NME4: variants seen among roughly 807,000 people sequenced by gnomAD.
The protein encoded by NME4 is NME/NM23 nucleoside diphosphate kinase 4.
A neutral mutation model predicts 16.4 loss-of-function variants in NME4; 21 were observed. The observed-to-expected ratio is 1.28, with a 90% CI of 0.91 to 1.84. The LOEUF is 1.84. Among genes scored for constraint, NME4 ranks in the 40% most tolerant of loss-of-function variants. NME4 has a pLI of 0.00. For synonymous variants in NME4, 132 were observed against 107.5 expected, an observed-to-expected ratio of 1.23 and a Z score of -1.41; for missense variants, 316 against 261.3, an observed-to-expected ratio of 1.21 and a Z score of -1.44.
In NME4 at chr16:397,256, G is replaced by C; in HGVS notation, c.34G>C (p.Gly12Arg). The stretch of plus-strand genomic sequence containing the variant: ...CCTCTTCTGGCGCTCCGCGCTGCGG[G>C]GGCTGCGCTGCGGCCCGCGGGCCCC... ...GGLFWRSALR[G>R]LRCGPRAPGP... The change falls in exon 1 of 5, where the codon GGG becomes CGG. Residue 12 changes from glycine (G) to arginine (R), a missense_variant. By Grantham distance (125) the Gly-to-Arg change is moderately radical. Transcript: ENST00000219479. The C allele has an allele frequency of 9.5e-7, 1 of 1,048,958 alleles. No individual in the cohort carries two copies. The highest frequency in any genetic ancestry group is 1.1e-6 in the Non-Finnish European group (1 of 873,436). 65.0% of individuals were successfully genotyped at this position (1,048,958 alleles called of 1,614,324 possible).
chr16:399,717 G>T lies in NME4; in HGVS notation c.418G>T (p.Asp140Tyr). ...GGCTGCCCCAGGAACCATAAGGGGT[G>T]ACTTCAGCGTCCACATCAGCAGGTA... ...AEAAPGTIRG[D>Y]FSVHISRNVI... The change falls in exon 4 of 5, where the codon GAC (aspartate) becomes TAC (tyrosine). Residue 140 changes from aspartate (D) to tyrosine (Y), a missense_variant. Coordinates refer to ENST00000219479, the MANE Select transcript of NME4 (RefSeq NM_005009.3). The T allele has an allele frequency of 6.2e-7, 1 of 1,612,902 alleles. No individual in the cohort carries two copies. Among genetic ancestry groups the T allele is most frequent in the South Asian group, 1.1e-5 (1 of 91,068 alleles).
intron 4 of NME4, 104 bp from the exon 5 acceptor site, chr16:400,115 G>C (rs79334115): frequency 2.6e-6 from 4 of 1,510,606 alleles, no homozygotes; most frequent in Non-Finnish European, 3.7e-6. Context: ...GCAGTCACAG[G>C]CTTGCTCCCC....
rs191170516 is a variant in NME4, at chr16:400,494, C to G, written c.*152C>G. ...CCCAGCCCAGAGGAGTTTGAGCCAC[C>G]AACTTCAGTGCCTTTCTGTACCCCA... is the stretch of plus-strand genomic sequence containing the variant. On this transcript the variant is annotated 3_prime_UTR_variant, in exon 5 of 5. Transcript: ENST00000219479. 49 of 897,630 alleles carry G rather than the reference C, an allele frequency of 5.5e-5. No individual in the cohort carries two copies. Among genetic ancestry groups the G allele is most frequent in the Non-Finnish European group, 7.4e-5 (46 of 624,774 alleles). 55.6% of individuals were successfully genotyped at this position (897,630 alleles called of 1,614,324 possible).
At chr16:399,187 T>C in intron 2 of NME4, 64 bp downstream of exon 2, 1 of 1,592,984 alleles carries the variant, frequency 6.3e-7, no homozygotes, top group Non-Finnish European at 8.6e-7. Context: ...CTTCTCGGCC[T>C]TTCACATCCC....
At chr16:400,035 C>T (rs561737030) in intron 4 of NME4, 184 bp from the exon 5 acceptor site, 23 of 928,462 alleles carry the variant, frequency 2.5e-5, no homozygotes, top group East Asian at 5.2e-5. Flanking sequence ...GGCGGGTCCA[C>T]GAGGCTGTAA....
chr16:399,758 A>G lies in NME4; in HGVS notation c.440+19A>G. 1.3e-6 allele frequency: 2 copies of G among 1,593,754 alleles called. No homozygotes were observed. Among genetic ancestry groups the G allele is most frequent in the Non-Finnish European group, 1.7e-6 (2 of 1,162,928 alleles). On this transcript the variant is annotated intron_variant, in intron 4 of 4. Coordinates refer to ENST00000219479, the MANE Select transcript of NME4 (RefSeq NM_005009.3). ...TCAGCAGGTACGGGGGTCCTGATAC[A>G]CCAGGCTGCTGCTGGGGGCAAGGAG...
intron 1 of NME4, chr16:397,964 C>A: frequency 6.5e-7 from 1 of 1,546,122 alleles, no homozygotes. Flanking sequence ...CACAAGGCGC[C>A]CTGCAAACTG....
chr16:398,077 T>C, intron 1 of NME4: 1 of 1,529,654 alleles, frequency 6.5e-7, no homozygotes, highest in East Asian at 2.5e-5. Context: ...CCTTTGGCTC[T>C]GTCCAGATTC....
chr16:397,543 G>A (rs1229344264), intron 1 of NME4, among the ~76,000 whole-genome samples: 3 of 125,684 alleles, frequency 2.4e-5, no homozygotes, highest in Admixed American at 7.8e-5. Flanking sequence ...CCAGGCTGCA[G>A]GCGCCCGGCG....
rs28411877 is a variant in NME4, at chr16:400,140, C to T, written c.441-79C>T. 407 of 1,593,448 alleles carry T rather than the reference C, an allele frequency of 2.6e-4. 1 individual carries two copies. In the African/African-American group the frequency reaches 3.6e-3, roughly 14 times the overall value. On this transcript the variant is annotated intron_variant, in intron 4 of 4. Coordinates refer to ENST00000219479, the MANE Select transcript of NME4 (RefSeq NM_005009.3). ...GCTTGCTCCCCTAGACAGAGGGCAA[C>T]GGGAGCAGCAGATGGTCCCTGGGAT...
At chr16:399,990 TGGG>T (rs1257846191) in intron 4 of NME4, 11 of 699,196 alleles carry the variant, frequency 1.6e-5, no homozygotes, top group Middle Eastern at 3.5e-4. Flanking sequence ...CGGGGCAACT[TGGG>T]GGGAAATGAG....
chr16:397,267 C>T lies in NME4; in HGVS notation c.45C>T (p.Cys15=), dbSNP rs762761016. 5 of 1,051,218 alleles carry T rather than the reference C, an allele frequency of 4.8e-6. No homozygotes were observed. The South Asian group carries it at 2.2e-4, about 47-fold the overall frequency. The allele number at this position is 1,051,218 out of a possible 1,614,324, so 65.1% of individuals were successfully genotyped here. A position where few individuals can be genotyped will look rare whatever the true frequency, so the allele number is the denominator to read the frequency against. ...GCTCCGCGCTGCGGGGGCTGCGCTG[C>T]GGCCCGCGGGCCCCGGGCCCGAGCC... ...FWRSALRGLR[C]GPRAPGPSLL... is the part of the protein sequence containing the mutation. Residue 15 remains cysteine, a synonymous_variant, in exon 1 of 5, where the codon TGC becomes TGT. Transcript: ENST00000219479.
upstream of NME4, chr16:397,093 CACGGGGGTCCGGGGCG>C (rs2054557076): frequency 5.7e-6 from 1 of 176,188 alleles, no homozygotes; most frequent in East Asian, 1.9e-4. Flanking sequence ...AGCGCCGGGC[CACGGGGGTCCGGGGCG>C]GCGGGGGGCT....
chr16:399,358 CCTT>C lies in NME4; in HGVS notation c.226-20_226-18del, dbSNP rs1342035884. ...CCCACGTTTACTGTCTGCGGCTCCT[CCTT>C]ACCTCAATGCCACCCAGGCACCAGA... is the stretch of plus-strand genomic sequence containing the variant. On this transcript the variant is annotated intron_variant, in intron 2 of 4. Coordinates refer to ENST00000219479, the MANE Select transcript of NME4 (RefSeq NM_005009.3). The C allele has an allele frequency of 5.0e-6, 8 of 1,610,812 alleles. No homozygotes were observed. The highest frequency in any genetic ancestry group is 1.7e-5 in the Admixed American group (1 of 60,020).
chr16:398,497 G>C lies in NME4; in HGVS notation c.92-493G>C. On this transcript the variant is annotated intron_variant, in intron 1 of 4. Coordinates refer to ENST00000219479, the MANE Select transcript of NME4 (RefSeq NM_005009.3). ...GTCGGGGCTTCAGACCATGTCTGTCGTCATCCAGAAGGGATGGAGTCAAAA... is the reference window on the plus strand; with the variant it reads ...GTCGGGGCTTCAGACCATGTCTGTCCTCATCCAGAAGGGATGGAGTCAAAA... 7 of 925,632 alleles carry C rather than the reference G, an allele frequency of 7.6e-6. No individual in the cohort carries two copies. The South Asian group carries it at 8.7e-5, about 12-fold the overall frequency. The allele number at this position is 925,632 out of a possible 1,614,324, so 57.3% of individuals were successfully genotyped here.
chr16:399,272 C>T (rs1261458783), intron 2 of NME4, 107 bp from the exon 3 acceptor site: 2 of 1,402,756 alleles, frequency 1.4e-6, no homozygotes, highest in African/African-American at 1.4e-5. Flanking sequence ...GGGGGTGCTG[C>T]CCATGCTGGT....
rs1039274633 is a variant in NME4 at position 397,763 on chromosome 16, G to C, written c.91+450G>C. 6.2e-5 allele frequency: 85 copies of C among 1,371,332 alleles called. No homozygotes were observed. In the African/African-American group the frequency reaches 1.1e-3, roughly 18 times the overall value. The allele number at this position is 1,371,332 out of a possible 1,614,324, so 84.9% of individuals were successfully genotyped here. A position where few individuals can be genotyped will look rare whatever the true frequency, so the allele number is the denominator to read the frequency against. ...GTGGGGGGAGCCGCTCCGCTGGGGC[G>C]TTCGCTGAAGGCCAAGTTAGGCCAG... On this transcript the variant is annotated intron_variant, in intron 1 of 4. Transcript: ENST00000219479.
chr16:397,116 GGC>G (rs1416995777), upstream of NME4: 515 of 80,310 alleles, frequency 6.4e-3, 1 homozygote, highest in African/African-American at 0.02. Context: ...GGCGGCGGGG[GGC>G]TCCGGGGCGG....
intron 3 of NME4, 61 bp downstream of exon 3, chr16:399,541 C>A: frequency 5.0e-6 from 8 of 1,586,992 alleles, no homozygotes; most frequent in Non-Finnish European, 6.0e-6. Flanking sequence ...GTGTGTCTTT[C>A]CCCCCAGCAA....
Sources: allele counts gnomAD v4.1 joint callset (sites outside exome capture counted in the v4.1 genomes callset), GRCh38; gene constraint gnomAD v4.1.1; transcripts MANE v1.5; gene names NCBI Gene and HGNC (gene_info 2026-07-23, HGNC 2026-07-21).